VEPH1: variants seen among roughly 807,000 people sequenced by gnomAD.
VEPH1 encodes ventricular zone-expressed PH domain-containing protein homolog 1.
In VEPH1, 80 loss-of-function variants were observed where a neutral mutation model predicts 85.2. That is an observed-to-expected ratio of 0.94 (90% confidence interval 0.78 to 1.13). VEPH1 has a LOEUF of 1.13. Ranked by LOEUF, VEPH1 falls within the 50% of genes most tolerant of loss-of-function variation. The pLI, the probability that VEPH1 is intolerant of heterozygous loss-of-function variation, is 0.00. For synonymous variants in VEPH1, 297 were observed against 348.0 expected (o/e 0.85, Z 1.63); for missense variants, 955 against 980.5 (o/e 0.97, Z 0.35).
chr3:157,392,161 C>T (rs1161781727), intron 6 of VEPH1, among the ~76,000 whole-genome samples: 1 of 152,182 alleles, frequency 6.6e-6, no homozygotes, highest in African/African-American at 2.4e-5. Flanking sequence ...CCTGCAACCA[C>T]ACAATAGAAA....
chr3:157,368,150 G>A (rs1485704908), intron 7 of VEPH1, among the ~76,000 whole-genome samples: 1 of 152,190 alleles, frequency 6.6e-6, no homozygotes, highest in African/African-American at 2.4e-5. Context: ...ATGAAGCAGT[G>A]TTCCTAACAC....
At chr3:157,468,184 C>G (rs1736564445) in intron 3 of VEPH1, among the ~76,000 whole-genome samples, 1 of 152,174 alleles carries the variant, frequency 6.6e-6, no homozygotes, top group South Asian at 2.1e-4. Context: ...ATAAACCTTC[C>G]AAACATGATC....
intron 13 of VEPH1, 139 bp from the exon 14 acceptor site, chr3:157,261,509 G>T: frequency 1.5e-6 from 2 of 1,349,816 alleles, no homozygotes; most frequent in Admixed American, 2.6e-5. Context: ...GGGTGCTAAG[G>T]CCTCAGAATC....
Position 157,285,576 on chromosome 3 carries a change from T to G in VEPH1, c.2128+981A>C, listed in dbSNP as rs569781458. Among the ~76,000 whole-genome samples the G allele has an allele frequency of 2.6e-5, 4 of 152,354 alleles. No homozygotes were observed. The South Asian group carries it at 8.3e-4, about 32-fold the overall frequency. ...ATGGCTCATCTACAAAGTGGCTTTG[T>G]GTTCCACAGTCTTTTTAACACTGCT... On this transcript the variant is annotated intron_variant, in intron 12 of 13. Coordinates refer to ENST00000362010, the MANE Select transcript of VEPH1 (RefSeq NM_001167912.2).
intron 6 of VEPH1, among the ~76,000 whole-genome samples, chr3:157,385,649 A>G (rs1032444262): frequency 2.6e-5 from 4 of 152,162 alleles, no homozygotes; most frequent in Non-Finnish European, 4.4e-5. Context: ...TCTGTATTTG[A>G]TCTGTTAAAT....
chr3:157,303,491 C>T (rs1166285861), intron 11 of VEPH1, among the ~76,000 whole-genome samples: 5 of 152,114 alleles, frequency 3.3e-5, no homozygotes, highest in Non-Finnish European at 2.9e-5. Context: ...TTGTCTCCTC[C>T]GTGTTATTTC....
At position 157,364,316 on chromosome 3, in the gene VEPH1, T is replaced by C. The variant is rs1179065154; in HGVS notation, c.1324A>G (p.Ile442Val). 3 of 1,610,916 alleles carry C rather than the reference T, an allele frequency of 1.9e-6. No individual in the cohort carries two copies. The highest frequency in any genetic ancestry group is 3.3e-5 in the Admixed American group (2 of 59,776). The change falls in exon 8 of 14, where the codon ATT (isoleucine) becomes GTT (valine). Residue 442 changes from isoleucine (I) to valine (V), a missense_variant. Coordinates refer to ENST00000362010, the MANE Select transcript of VEPH1 (RefSeq NM_001167912.2). ...GQVSKEERKNIRFNRSKSLAF... is the reference protein window; with the variant it reads ...GQVSKEERKNVRFNRSKSLAF... The stretch of plus-strand genomic sequence containing the variant: ...AACGAGTTATACCTGTTAAATCTAA[T>C]GTTTTTTCTTTCTTCTTTAGAAACT...
rs35870771 is a variant in VEPH1, at chr3:157,394,027, C to A, written c.907-12651G>T. ...GCTACTAAAACCCTGCTAGCACCAC[C>A]TTTCTGTTAGATTCAGCTGATCTGT... On this transcript the variant is annotated intron_variant, in intron 6 of 13. Coordinates refer to ENST00000362010, the MANE Select transcript of VEPH1 (RefSeq NM_001167912.2). Among the ~76,000 whole-genome samples the A allele has an allele frequency of 3.9e-3, 597 of 152,296 alleles. 10 individuals are homozygous for A. In the East Asian group the frequency reaches 0.044, roughly 11 times the overall value.
chr3:157,296,123 TAGGTA>T (rs1718103290), intron 11 of VEPH1, among the ~76,000 whole-genome samples: 1 of 152,186 alleles, frequency 6.6e-6, no homozygotes, highest in African/African-American at 2.4e-5. Flanking sequence ...TGATAACATT[TAGGTA>T]AAAGTTTAAA....
chr3:157,369,156 C>A (rs1395407019), intron 7 of VEPH1, among the ~76,000 whole-genome samples: 2 of 73,276 alleles, frequency 2.7e-5, no homozygotes, highest in Non-Finnish European at 5.2e-5. Flanking sequence ...AAACAAATAA[C>A]AACAACAACA....
At position 157,272,374 on chromosome 3, in the gene VEPH1, CTTTTCTTTCTTT is replaced by C. The variant is rs1203412780; in HGVS notation, c.2129-6724_2129-6713del. Among the ~76,000 whole-genome samples the C allele has an allele frequency of 2.6e-3, 231 of 89,074 alleles. 5 individuals are homozygous for C. Among genetic ancestry groups the C allele is most frequent in the African/African-American group, 8.2e-3 (210 of 25,590 alleles). 58.4% of individuals were successfully genotyped at this position (89,074 alleles called of 152,430 possible). ...TCTCTCTCTTTCTTTCTTTCTCTTT[CTTTTCTTTCTTT>C]CTTTCTTTCTTTCTTTCTTTCTTTC... On this transcript the variant is annotated intron_variant, in intron 12 of 13. Transcript: ENST00000362010.
chr3:157,491,563 G>A (rs1324632763), intron 2 of VEPH1, among the ~76,000 whole-genome samples: 1 of 152,148 alleles, frequency 6.6e-6, no homozygotes, highest in Non-Finnish European at 1.5e-5. Context: ...TAGAAAAAGA[G>A]GACATGGACT....
chr3:157,439,181 G>GAAAT (rs1465517627), intron 4 of VEPH1, among the ~76,000 whole-genome samples: 6 of 152,156 alleles, frequency 3.9e-5, no homozygotes, highest in African/African-American at 1.4e-4. Context: ...TTTAATGGAT[G>GAAAT]AAATGTCTTG....
chr3:157,270,231 C>T (rs911880746), intron 12 of VEPH1, among the ~76,000 whole-genome samples: 2 of 151,406 alleles, frequency 1.3e-5, no homozygotes, highest in Non-Finnish European at 2.9e-5. Flanking sequence ...ATGATCATGC[C>T]ACTGCACTCC....
chr3:157,398,298 T>G (rs1267638519), intron 6 of VEPH1, among the ~76,000 whole-genome samples: 2 of 152,096 alleles, frequency 1.3e-5, no homozygotes, highest in Non-Finnish European at 2.9e-5. Flanking sequence ...AGTCAAATAT[T>G]CAGTTTCTAC....
intron 12 of VEPH1, among the ~76,000 whole-genome samples, chr3:157,277,520 T>A (rs746450555): frequency 3.3e-5 from 5 of 152,220 alleles, no homozygotes; most frequent in Non-Finnish European, 5.9e-5. Flanking sequence ...TATTAAGGTG[T>A]TACCTACACC....
rs190994962 is a variant in VEPH1 at position 157,479,183 on chromosome 3, C to T, written c.139-8654G>A. 2.6e-4 allele frequency among the ~76,000 whole-genome samples: 39 copies of T among 152,198 alleles called. No individual in the cohort carries two copies. The East Asian group carries it at 6.8e-3, about 26-fold the overall frequency. On this transcript the variant is annotated intron_variant, in intron 2 of 13. Coordinates refer to ENST00000362010, the MANE Select transcript of VEPH1 (RefSeq NM_001167912.2). ...ATATGTGTATGTGTTTATGTTTGGG[C>T]TCGACATTGGGTCAGTACCTGTGCA...
In VEPH1 at chr3:157,363,772, A is replaced by G. The variant is rs200338282; in HGVS notation, c.1338-11T>C. 528 of 1,605,432 alleles carry G rather than the reference A, an allele frequency of 3.3e-4. No individual in the cohort carries two copies. The highest frequency in any genetic ancestry group is 4.3e-4 in the Non-Finnish European group (508 of 1,175,320). On this transcript the variant is annotated splice_polypyrimidine_tract_variant and intron_variant, in intron 8 of 13. Transcript: ENST00000362010. ...GCCAAACTTTTTGACCTAGAGTTCA[A>G]ACAAAGGGAAAGTTAAAGAAGTTGT...
chr3:157,311,003 C>G (rs1720045739), intron 11 of VEPH1, among the ~76,000 whole-genome samples: 1 of 152,140 alleles, frequency 6.6e-6, no homozygotes, highest in African/African-American at 2.4e-5. Context: ...CAACAAGTTC[C>G]TTTGCTTCCG....
Sources: allele counts gnomAD v4.1 joint callset (sites outside exome capture counted in the v4.1 genomes callset), GRCh38; gene constraint gnomAD v4.1.1; transcripts MANE v1.5; gene names NCBI Gene and HGNC (gene_info 2026-07-23, HGNC 2026-07-21).